Variants in SDHC observed in about 807,000 individuals in gnomAD.
The protein encoded by SDHC is succinate dehydrogenase cytochrome b560 subunit, mitochondrial.
A neutral mutation model predicts 22.6 loss-of-function variants in SDHC; 11 were observed. That is an observed-to-expected ratio of 0.49 (90% confidence interval 0.31 to 0.81). The LOEUF is 0.81. SDHC is among the 30% of genes least tolerant of loss of function. SDHC has a pLI of 0.05. For synonymous variants in SDHC, 80 were observed against 77.8 expected, an observed-to-expected ratio of 1.03 and a Z score of -0.15; for missense variants, 160 against 212.0, an observed-to-expected ratio of 0.75 and a Z score of 1.52.
intron 3 of SDHC, among the ~76,000 whole-genome samples, chr1:161,337,066 T>G (rs527398679): frequency 5.4e-4 from 79 of 146,932 alleles, no homozygotes; most frequent in African/African-American, 2.1e-3. Flanking sequence ...AATGGGTTTT[T>G]TTTTTTTTTT....
rs776485432 is a variant in SDHC at position 161,356,764 on chromosome 1, C to T, written c.329C>T (p.Pro110Leu). 1 of 1,614,014 alleles carries T rather than the reference C, an allele frequency of 6.2e-7. No homozygotes were observed. The highest frequency in any genetic ancestry group is 8.5e-7 in the Non-Finnish European group (1 of 1,179,984). The change falls in exon 5 of 6, where the codon CCA becomes CTA. Residue 110 changes from proline (P) to leucine (L), a missense_variant. This residue lies in a region of SDHC where 74 missense variants were observed against 128.6 expected (regional missense o/e 0.58). Coordinates refer to ENST00000367975, the MANE Select transcript of SDHC (RefSeq NM_003001.5). ...LELVKSLCLG[P>L]ALIHTAKFAL... is the part of the protein sequence containing the mutation. ...CTTGTGAAGTCCCTGTGTCTGGGGCCAGCACTGATCCACACAGCTAAGTTT... is the reference window on the plus strand; with the variant it reads ...CTTGTGAAGTCCCTGTGTCTGGGGCTAGCACTGATCCACACAGCTAAGTTT...
At chr1:161,355,688 A>G (rs950672585) in intron 4 of SDHC, among the ~76,000 whole-genome samples, 2 of 152,178 alleles carry the variant, frequency 1.3e-5, no homozygotes, top group African/African-American at 2.4e-5. Flanking sequence ...ACTAGAAGAT[A>G]AAGATAAAAA....
chr1:161,330,126 T>G (rs1232205333), intron 3 of SDHC, among the ~76,000 whole-genome samples: 3 of 152,180 alleles, frequency 2.0e-5, no homozygotes, highest in African/African-American at 7.2e-5. Context: ...CAGTCTACCC[T>G]CTAGCCCTCA....
At chr1:161,356,007 G>C (rs1672255910) in intron 4 of SDHC, among the ~76,000 whole-genome samples, 1 of 147,206 alleles carries the variant, frequency 6.8e-6, no homozygotes, top group South Asian at 2.2e-4. Flanking sequence ...AAAAAAAAGA[G>C]AACCTAATTT....
chr1:161,334,205 C>T (rs960348597), intron 3 of SDHC, among the ~76,000 whole-genome samples: 1 of 152,150 alleles, frequency 6.6e-6, no homozygotes, highest in Non-Finnish European at 1.5e-5. Context: ...GGCTTCTGCC[C>T]TCCTTCCTCC....
At chr1:161,336,036 T>A (rs1471225292) in intron 3 of SDHC, among the ~76,000 whole-genome samples, 4 of 152,172 alleles carry the variant, frequency 2.6e-5, no homozygotes, top group South Asian at 4.1e-4. Context: ...ACCCTTCAGT[T>A]TTTTTCCAAG....
chr1:161,357,972 G>T (rs147924365), intron 5 of SDHC, among the ~76,000 whole-genome samples: 1 of 151,756 alleles, frequency 6.6e-6, no homozygotes, highest in Non-Finnish European at 1.5e-5. Context: ...ACAGAATTGG[G>T]CCAACTTTAA....
intron 4 of SDHC, among the ~76,000 whole-genome samples, chr1:161,343,902 A>T (rs1339548040): frequency 6.6e-6 from 1 of 152,158 alleles, no homozygotes; most frequent in Non-Finnish European, 1.5e-5. Flanking sequence ...CTAAAATTGA[A>T]TATTTTTCAC....
At chr1:161,350,842 G>T (rs1225186853) in intron 4 of SDHC, among the ~76,000 whole-genome samples, 1 of 152,112 alleles carries the variant, frequency 6.6e-6, no homozygotes, top group Non-Finnish European at 1.5e-5. Flanking sequence ...AGCACCACTA[G>T]TCTATATGGC....
chr1:161,346,766 A>G (rs980987078), intron 4 of SDHC, among the ~76,000 whole-genome samples: 5 of 152,164 alleles, frequency 3.3e-5, no homozygotes, highest in African/African-American at 9.7e-5. Context: ...GTCCCTTATT[A>G]TCTGTTGGAG....
chr1:161,336,675 A>G (rs55864322), intron 3 of SDHC, among the ~76,000 whole-genome samples: 14,854 of 152,112 alleles, frequency 0.098, 1,044 homozygotes, highest in Non-Finnish European at 0.14. Context: ...ACACGGGGCT[A>G]TATCCAGAGT....
chr1:161,344,394 C>A (rs1215197985), intron 4 of SDHC, among the ~76,000 whole-genome samples: 1 of 151,722 alleles, frequency 6.6e-6, no homozygotes, highest in Non-Finnish European at 1.5e-5. Context: ...GAATTCAAGG[C>A]TGCAGTGAGC....
At chr1:161,320,393 T>G (rs1670796799) in intron 1 of SDHC, among the ~76,000 whole-genome samples, 1 of 152,192 alleles carries the variant, frequency 6.6e-6, no homozygotes, top group Admixed American at 6.5e-5. Flanking sequence ...ATGAAACTTT[T>G]TGGTATACCA....
At chr1:161,334,945 T>TA (rs1184644829) in intron 3 of SDHC, among the ~76,000 whole-genome samples, 1 of 152,228 alleles carries the variant, frequency 6.6e-6, no homozygotes, top group Non-Finnish European at 1.5e-5. Context: ...TGTTACTATC[T>TA]AAACCGTAGG....
intron 1 of SDHC, among the ~76,000 whole-genome samples, chr1:161,323,200 G>A (rs113288255): frequency 0.019 from 2,926 of 151,760 alleles, 51 homozygotes; most frequent in Non-Finnish European, 0.028. Flanking sequence ...GGGTTTCACC[G>A]TGTTAGCCAG....
intron 3 of SDHC, chr1:161,339,548 T>C: frequency 7.9e-7 from 1 of 1,258,176 alleles, no homozygotes; most frequent in Non-Finnish European, 1.0e-6. Context: ...TATAATCATT[T>C]TTTTTTTTCT....
chr1:161,351,818 T>A (rs1672108918), intron 4 of SDHC, among the ~76,000 whole-genome samples: 1 of 152,224 alleles, frequency 6.6e-6, no homozygotes, highest in Admixed American at 6.5e-5. Context: ...ACACTGAGTT[T>A]TAATCATCAG....
intron 2 of SDHC, among the ~76,000 whole-genome samples, chr1:161,324,155 T>A (rs1040183205): frequency 6.6e-5 from 10 of 152,250 alleles, no homozygotes; most frequent in Admixed American, 5.9e-4. Flanking sequence ...TGTTTGTTTT[T>A]GAGACAAGCT....
intron 3 of SDHC, among the ~76,000 whole-genome samples, chr1:161,329,363 G>A (rs143116290): frequency 9.8e-4 from 148 of 151,682 alleles, no homozygotes; most frequent in Non-Finnish European, 1.8e-3. Context: ...GCAGAGTCTT[G>A]CTTGGTCACC....
Sources: gnomAD v4.1 joint callset for allele counts (sites outside exome capture counted in the v4.1 genomes callset) on GRCh38, gnomAD v4.1.1 for gene constraint, gnomAD v4.1.1 regional missense constraint, MANE v1.5 for transcripts, NCBI Gene and HGNC (gene_info 2026-07-23, HGNC 2026-07-21) for gene names.